Variants in QRFPR observed in about 807,000 individuals in gnomAD.
QRFPR encodes pyroglutamylated RF-amide peptide receptor.
QRFPR carries 37 observed loss-of-function variants against 31.3 expected under a neutral mutation model. The ratio of observed to expected loss-of-function variants is 1.18; its 90% CI spans 0.91 to 1.56. The LOEUF (loss-of-function observed/expected upper bound fraction) is 1.56. Ranked by LOEUF, QRFPR falls within the 40% of genes most tolerant of loss-of-function variation. The pLI, the probability that QRFPR is intolerant of heterozygous loss-of-function variation, is 0.00. For missense variants in QRFPR, 542 were observed against 532.5 expected, an observed-to-expected ratio of 1.02 and a Z score of -0.18; for synonymous variants, 197 against 192.0, an observed-to-expected ratio of 1.03 and a Z score of -0.22.
chr4:121,370,245 T>C, intron 1 of QRFPR: 1 of 781,336 alleles, frequency 1.3e-6, no homozygotes, highest in East Asian at 2.4e-5. Flanking sequence ...GAGGGTATCA[T>C]CATAGCTGAG....
intron 1 of QRFPR, among the ~76,000 whole-genome samples, chr4:121,340,836 A>G (rs1481894612): frequency 6.6e-6 from 1 of 152,216 alleles, no homozygotes; most frequent in African/African-American, 2.4e-5. Flanking sequence ...ATGTATAATA[A>G]GACAATGAAA....
intron 1 of QRFPR, among the ~76,000 whole-genome samples, chr4:121,341,713 T>C (rs973487719): frequency 2.6e-5 from 4 of 152,058 alleles, no homozygotes; most frequent in African/African-American, 9.7e-5. Context: ...TAGACTTCGG[T>C]CTCATTGCCA....
chr4:121,380,999 G>A lies in QRFPR; in HGVS notation c.-352C>T, dbSNP rs1726484447. ...CCACGCGAGGGTCCTGGCGCCTCTG[G>A]CTCCCCGCCTTCTGGCCATGCGATG... is the stretch of plus-strand genomic sequence containing the variant. On this transcript the variant is annotated 5_prime_UTR_variant, in exon 1 of 6. Coordinates refer to ENST00000394427, the MANE Select transcript of QRFPR (RefSeq NM_198179.3). 1 of 214,102 alleles carries A rather than the reference G, an allele frequency of 4.7e-6. No individual in the cohort carries two copies. 13.3% of individuals were successfully genotyped at this position (214,102 alleles called of 1,614,324 possible).
At chr4:121,372,069 T>C (rs901564551) in intron 1 of QRFPR, among the ~76,000 whole-genome samples, 1 of 152,184 alleles carries the variant, frequency 6.6e-6, no homozygotes, top group Non-Finnish European at 1.5e-5. Flanking sequence ...AGACTGTAGC[T>C]GAACCTTAAG....
In QRFPR at chr4:121,329,500, C is replaced by T. The variant is rs377698662; in HGVS notation, c.1110G>A (p.Met370Ile). Reference protein sequence around the residue: ...QRHGNSGITMMRKKAKFSLRE... With the variant: ...QRHGNSGITMIRKKAKFSLRE... The stretch of plus-strand genomic sequence containing the variant: ...TGAGGGAAAACTTTGCTTTCTTCCG[C>T]ATCATTGTAATTCCTGAATTTCCAT... The change falls in exon 6 of 6, where the codon ATG becomes ATA. Residue 370 changes from methionine to isoleucine, a missense_variant. Physicochemically the swap from Met to Ile is conservative, Grantham distance 10. Coordinates refer to ENST00000394427, the MANE Select transcript of QRFPR (RefSeq NM_198179.3). 2.5e-6 allele frequency: 4 copies of T among 1,613,998 alleles called. No homozygotes were observed. The African/African-American group carries it at 5.3e-5, about 22-fold the overall frequency.
chr4:121,368,325 T>C (rs911152951), intron 1 of QRFPR, among the ~76,000 whole-genome samples: 1 of 149,470 alleles, frequency 6.7e-6, no homozygotes, highest in Non-Finnish European at 1.5e-5. Flanking sequence ...TACCATCTCC[T>C]TTACTTTAAA....
intron 4 of QRFPR, among the ~76,000 whole-genome samples, chr4:121,331,892 A>G (rs1336391307): frequency 1.3e-5 from 2 of 152,030 alleles, no homozygotes; most frequent in Non-Finnish European, 2.9e-5. Context: ...ACCTCAAGTG[A>G]TCCACCCACC....
At chr4:121,348,494 A>C (rs899256839) in intron 1 of QRFPR, among the ~76,000 whole-genome samples, 2 of 152,076 alleles carry the variant, frequency 1.3e-5, no homozygotes, top group Non-Finnish European at 2.9e-5. Context: ...TTTATTTTTA[A>C]TGACTGCTCT....
intron 1 of QRFPR, among the ~76,000 whole-genome samples, chr4:121,365,579 TATTATATATATTATATATATATAATA>T (rs1726101257): frequency 9.2e-4 from 1 of 1,090 alleles, no homozygotes; most frequent in Non-Finnish European, 1.8e-3. Flanking sequence ...ATATAATATA[TATTATATATATTATATATATATAATA>T]TATATATTAT....
chr4:121,340,042 C>T (rs1177205524), intron 2 of QRFPR: 4 of 170,032 alleles, frequency 2.4e-5, no homozygotes, highest in Non-Finnish European at 4.9e-5. Context: ...GGCATAGTGG[C>T]TCATGCCTGT....
At chr4:121,365,508 TAA>T (rs1726078465) in intron 1 of QRFPR, among the ~76,000 whole-genome samples, 3 of 1,392 alleles carry the variant, frequency 2.2e-3, no homozygotes, top group Non-Finnish European at 3.2e-3. Flanking sequence ...ATAATATATA[TAA>T]TATATATTAT....
At chr4:121,370,844 T>C (rs1454622639) in intron 1 of QRFPR, among the ~76,000 whole-genome samples, 3 of 152,270 alleles carry the variant, frequency 2.0e-5, no homozygotes, top group Non-Finnish European at 2.9e-5. Flanking sequence ...ATGCATTATA[T>C]GCATTAATAT....
chr4:121,329,380 G>T lies in QRFPR; in HGVS notation c.1230C>A (p.Leu410=). The T allele has an allele frequency of 6.2e-7, 1 of 1,614,070 alleles. No homozygotes were observed. Among genetic ancestry groups the T allele is most frequent in the Non-Finnish European group, 8.5e-7 (1 of 1,179,946 alleles). The change falls in exon 6 of 6, where the codon CTC becomes CTA. Residue 410 remains leucine (L), a synonymous_variant. Transcript: ENST00000394427. ...ACCTAAAGAGAGCAAGATGTCGTTT[G>T]AGCTTTTTCTTCTCCTCTGTCTGTT... ...LCEQTEEKKK[L]KRHLALFRSE...
At chr4:121,331,933 G>A (rs1435569450) in intron 4 of QRFPR, among the ~76,000 whole-genome samples, 5 of 152,258 alleles carry the variant, frequency 3.3e-5, no homozygotes, top group African/African-American at 4.8e-5. Context: ...GATTACAGGC[G>A]TGAGCCGCTG....
rs541376457 is a variant in QRFPR at position 121,380,526 on chromosome 4, G to A, written c.122C>T (p.Pro41Leu). The change falls in exon 1 of 6, where the codon CCG becomes CTG. Residue 41 changes from proline (P) to leucine (L), a missense_variant. Transcript: ENST00000394427. ...LRPLVYTPEL[P>L]GRAKLALVLT... Reference sequence around the variant, plus strand: ...CACGAGGGCCAGCTTGGCGCGTCCCGGCAGCTCTGGGGTGTAGACGAGCGG... The same window carrying A: ...CACGAGGGCCAGCTTGGCGCGTCCCAGCAGCTCTGGGGTGTAGACGAGCGG... 3 of 1,613,214 alleles carry A rather than the reference G, an allele frequency of 1.9e-6. No homozygotes were observed. The African/African-American group carries it at 4.0e-5, about 21-fold the overall frequency.
At chr4:121,368,318 C>T (rs1726165465) in intron 1 of QRFPR, among the ~76,000 whole-genome samples, 1 of 149,762 alleles carries the variant, frequency 6.7e-6, no homozygotes, top group Non-Finnish European at 1.5e-5. Flanking sequence ...CTGTACCTAC[C>T]ATCTCCTTTA....
Position 121,332,946 on chromosome 4 carries a change from G to A in QRFPR, c.672C>T (p.Leu224=), listed in dbSNP as rs528669363. 1.9e-6 allele frequency: 3 copies of A among 1,614,080 alleles called. No individual in the cohort carries two copies. The highest frequency in any genetic ancestry group is 2.7e-5 in the African/African-American group (2 of 75,034). Residue 224 remains leucine (L), a synonymous_variant, in exon 4 of 6, where the codon CTC becomes CTT. Coordinates refer to ENST00000394427, the MANE Select transcript of QRFPR (RefSeq NM_198179.3). ...GAATAAGCATCACCATAAGAGGCAG[G>A]AGGAAGAGGATGACAAGGATGAAGG... ...YTTFILVILF[L]LPLMVMLILY... is the part of the protein sequence containing the mutation.
rs1725356172 is a variant in QRFPR, at chr4:121,332,876, C to T, written c.742G>A (p.Gly248Arg). 1 of 1,614,122 alleles carries T rather than the reference C, an allele frequency of 6.2e-7. No individual in the cohort carries two copies. Among genetic ancestry groups the T allele is most frequent in the Non-Finnish European group, 8.5e-7 (1 of 1,179,992 alleles). The change falls in exon 4 of 6, where the codon GGG becomes AGG. Residue 248 changes from glycine to arginine, a missense_variant. Gly to Arg is a moderately radical substitution (Grantham distance 125). Coordinates refer to ENST00000394427, the MANE Select transcript of QRFPR (RefSeq NM_198179.3). The stretch of plus-strand genomic sequence containing the variant: ...ATAGTTCGAAGCACTGAACCATCCC[C>T]AACTCTTTTCTTTATCCAAAGTTCA... ...GYELWIKKRV[G>R]DGSVLRTIHG... is the part of the protein sequence containing the mutation.
intron 3 of QRFPR, 84 bp from the exon 4 acceptor site, chr4:121,333,140 A>T: frequency 1.2e-6 from 1 of 825,210 alleles, no homozygotes; most frequent in Non-Finnish European, 1.9e-6. Context: ...GCAACACAAC[A>T]TTTTTTAAGT....
Sources: gnomAD v4.1 joint callset for allele counts (sites outside exome capture counted in the v4.1 genomes callset) on GRCh38, gnomAD v4.1.1 for gene constraint, MANE v1.5 for transcripts, NCBI Gene and HGNC (gene_info 2026-07-23, HGNC 2026-07-21) for gene names.